GRID2: variants seen among roughly 807,000 people sequenced by gnomAD.
GRID2 encodes glutamate receptor ionotropic, delta-2.
GRID2 carries 33 observed loss-of-function variants against 114.8 expected under a neutral mutation model. That is an observed-to-expected ratio of 0.29 (90% CI 0.22 to 0.38). The LOEUF (loss-of-function observed/expected upper bound fraction) is 0.38. GRID2 is among the 10% of genes least tolerant of loss of function. GRID2 has a pLI of 1.00. For missense variants in GRID2, 1,184 were observed against 1,257.7 expected, an observed-to-expected ratio of 0.94 and a Z score of 0.89; for synonymous variants, 505 against 449.9, an observed-to-expected ratio of 1.12 and a Z score of -1.55.
intron 1 of GRID2, among the ~76,000 whole-genome samples, chr4:92,542,977 A>G (rs551984962): frequency 1.7e-4 from 24 of 144,834 alleles, no homozygotes; most frequent in African/African-American, 6.3e-4. Flanking sequence ...ATGTGCACAC[A>G]TGATGCACTT....
chr4:93,436,907 AT>A (rs1219343178), intron 10 of GRID2, among the ~76,000 whole-genome samples: 3 of 152,112 alleles, frequency 2.0e-5, no homozygotes, highest in African/African-American at 7.2e-5. Context: ...GCAGTTAATC[AT>A]TTTTTAGAAA....
At chr4:92,618,773 T>C (rs554221585) in intron 2 of GRID2, among the ~76,000 whole-genome samples, 1 of 151,860 alleles carries the variant, frequency 6.6e-6, no homozygotes, top group South Asian at 2.1e-4. Context: ...CCGAGGTAAT[T>C]TATTACTTTT....
chr4:92,735,073 C>A (rs1408315613), intron 2 of GRID2, among the ~76,000 whole-genome samples: 1 of 152,080 alleles, frequency 6.6e-6, no homozygotes, highest in Admixed American at 6.6e-5. Context: ...CTCATTGCAC[C>A]TAACCTGATG....
At position 92,954,992 on chromosome 4, in the gene GRID2, C is replaced by T. The variant is rs1423606560; in HGVS notation, c.245-130003C>T. ...AGTATTCCATGGTGTATATGTGCCACATTTTCTTAATCCAGTCTATCATTG... is the reference window on the plus strand; with the variant it reads ...AGTATTCCATGGTGTATATGTGCCATATTTTCTTAATCCAGTCTATCATTG... On this transcript the variant is annotated intron_variant, in intron 2 of 15. Coordinates refer to ENST00000282020, the MANE Select transcript of GRID2 (RefSeq NM_001510.4). Among the ~76,000 whole-genome samples the T allele has an allele frequency of 4.2e-4, 48 of 114,698 alleles. No homozygotes were observed. In the East Asian group the frequency reaches 0.011, roughly 27 times the overall value. 75.2% of individuals were successfully genotyped at this position (114,698 alleles called of 152,430 possible). A position where few individuals can be genotyped will look rare whatever the true frequency, so the allele number is the denominator to read the frequency against.
intron 4 of GRID2, among the ~76,000 whole-genome samples, chr4:93,170,842 T>C (rs1738741123): frequency 6.7e-6 from 1 of 149,004 alleles, no homozygotes; most frequent in African/African-American, 2.6e-5. Context: ...TTCCTTAGAG[T>C]CATGTTTGAT....
intron 2 of GRID2, among the ~76,000 whole-genome samples, chr4:92,642,813 C>A (rs1271134949): frequency 6.6e-6 from 1 of 151,694 alleles, no homozygotes; most frequent in Non-Finnish European, 1.5e-5. Context: ...AATCTTTAAT[C>A]TACATTGAGT....
At chr4:92,787,817 TA>T (rs1560591970) in intron 2 of GRID2, among the ~76,000 whole-genome samples, 1 of 151,866 alleles carries the variant, frequency 6.6e-6, no homozygotes, top group Admixed American at 6.6e-5. Flanking sequence ...TGCTGCCTCC[TA>T]CGGTGATAGA....
intron 2 of GRID2, among the ~76,000 whole-genome samples, chr4:92,954,719 C>T (rs1264691411): frequency 7.0e-6 from 1 of 143,390 alleles, no homozygotes. Context: ...CACCCACTAA[C>T]TCGTCATCTA....
chr4:93,603,984 A>G (rs182224030), intron 13 of GRID2, among the ~76,000 whole-genome samples: 1 of 152,218 alleles, frequency 6.6e-6, no homozygotes, highest in Non-Finnish European at 1.5e-5. Flanking sequence ...CAATGTTTTC[A>G]TGCCTGCTAA....
At chr4:92,445,906 T>C (rs1579378053) in intron 1 of GRID2, among the ~76,000 whole-genome samples, 1 of 152,192 alleles carries the variant, frequency 6.6e-6, no homozygotes, top group African/African-American at 2.4e-5. Context: ...TTTTCTAATG[T>C]TTTGTTACTA....
rs539156025 is a variant in GRID2, at chr4:92,706,696, A to C, written c.244+116410A>C. On this transcript the variant is annotated intron_variant, in intron 2 of 15. Coordinates refer to ENST00000282020, the MANE Select transcript of GRID2 (RefSeq NM_001510.4). ...AGGAAAAATTCCTGTTTCAGAGCTC[A>C]ATAGGAAAACCTGTTTGATTATCAG... Among the ~76,000 whole-genome samples the C allele has an allele frequency of 2.0e-5, 3 of 152,306 alleles. No homozygotes were observed. In the East Asian group the frequency reaches 5.8e-4, roughly 29 times the overall value.
chr4:93,262,818 A>G (rs928170750), intron 8 of GRID2, among the ~76,000 whole-genome samples: 5 of 110,858 alleles, frequency 4.5e-5, no homozygotes, highest in African/African-American at 8.5e-5. Flanking sequence ...AATGCAATAA[A>G]TAGATTTCTA....
intron 8 of GRID2, among the ~76,000 whole-genome samples, chr4:93,339,250 T>C (rs1759397203): frequency 6.6e-6 from 1 of 152,196 alleles, no homozygotes; most frequent in Non-Finnish European, 1.5e-5. Context: ...TATTTCAAAA[T>C]GTGACTTTAT....
intron 2 of GRID2, among the ~76,000 whole-genome samples, chr4:92,946,832 C>A (rs376124098): frequency 7.9e-5 from 12 of 151,998 alleles, no homozygotes; most frequent in African/African-American, 2.2e-4. Context: ...ATTCAATAGG[C>A]CTGCATGAAA....
chr4:92,974,201 G>C (rs185694331), intron 2 of GRID2, among the ~76,000 whole-genome samples: 6 of 152,286 alleles, frequency 3.9e-5, no homozygotes, highest in Admixed American at 6.5e-5. Flanking sequence ...ATGCTGGAGA[G>C]GTTGTGGAAA....
At chr4:92,524,158 G>A (rs1362166542) in intron 1 of GRID2, among the ~76,000 whole-genome samples, 1 of 151,908 alleles carries the variant, frequency 6.6e-6, no homozygotes, top group Non-Finnish European at 1.5e-5. Context: ...GGTAAACAAG[G>A]GTTGAGTACA....
intron 1 of GRID2, among the ~76,000 whole-genome samples, chr4:92,580,484 T>G (rs756130747): frequency 4.6e-5 from 7 of 151,990 alleles, no homozygotes; most frequent in Non-Finnish European, 1.0e-4. Context: ...AGTTTTAAAA[T>G]GCTCAATTAC....
intron 14 of GRID2, among the ~76,000 whole-genome samples, chr4:93,730,036 T>C (rs1162558916): frequency 6.6e-6 from 1 of 152,112 alleles, no homozygotes; most frequent in Non-Finnish European, 1.5e-5. Context: ...GAATGATGAA[T>C]GAGTGAATGA....
intron 14 of GRID2, among the ~76,000 whole-genome samples, chr4:93,670,737 G>GTCTT (rs539853607): frequency 6.6e-6 from 1 of 152,110 alleles, no homozygotes; most frequent in Non-Finnish European, 1.5e-5. Context: ...AAATCTAGTT[G>GTCTT]TCTTTGTTAG....
Sources: allele counts gnomAD v4.1 joint callset (sites outside exome capture counted in the v4.1 genomes callset), GRCh38; gene constraint gnomAD v4.1.1; transcripts MANE v1.5; gene names NCBI Gene and HGNC (gene_info 2026-07-23, HGNC 2026-07-21).